The following DOCK11 variants were observed in gnomAD, a reference collection of about 807,000 sequenced individuals.
DOCK11 encodes the protein dedicator of cytokinesis protein 11.
In DOCK11, 70 loss-of-function variants were observed where a neutral mutation model predicts 169.1. The ratio of observed to expected loss-of-function variants is 0.41; its 90% CI spans 0.34 to 0.51. The LOEUF is 0.51. DOCK11 is among the 20% of genes least tolerant of loss of function. The pLI is 0.10. For missense variants in DOCK11, 1,166 were observed against 1,538.8 expected (o/e 0.76, Z 4.05); for synonymous variants, 529 against 541.3 (o/e 0.98, Z 0.32).
chrX:118,547,963 G>A (rs1371839946), intron 6 of DOCK11, among the ~76,000 whole-genome samples: 1 of 111,539 alleles, frequency 9.0e-6, no homozygotes, highest in East Asian at 2.8e-4. Flanking sequence ...CAGGAGGATC[G>A]CTTGAGCCCA....
intron 18 of DOCK11, among the ~76,000 whole-genome samples, chrX:118,589,401 C>T (rs1279760317): frequency 9.0e-6 from 1 of 111,382 alleles, no homozygotes; most frequent in African/African-American, 3.3e-5. Flanking sequence ...AAATTGCCTT[C>T]ATAACCATAT....
At chrX:118,562,323 G>C (rs999843228) in intron 7 of DOCK11, among the ~76,000 whole-genome samples, 1 of 111,031 alleles carries the variant, frequency 9.0e-6, no homozygotes, top group Non-Finnish European at 1.9e-5. Context: ...AAGTCTCTTT[G>C]AGTCTGGCTC....
At chrX:118,597,386 T>A (rs892591503) in intron 20 of DOCK11, 45 bp from the exon 21 acceptor site, 1 of 1,206,519 alleles carries the variant, frequency 8.3e-7, no homozygotes, top group Non-Finnish European at 1.1e-6. Flanking sequence ...TGTAGCTGAT[T>A]GCATTTGATA....
intron 35 of DOCK11, 68 bp from the exon 36 acceptor site, chrX:118,636,278 T>C: frequency 1.5e-6 from 1 of 647,694 alleles, no homozygotes; most frequent in Non-Finnish European, 2.3e-6. Context: ...TACATAGGAC[T>C]TGGGGATTCA....
intron 8 of DOCK11, 84 bp from the exon 9 acceptor site, chrX:118,566,490 T>G: frequency 1.2e-6 from 1 of 856,898 alleles, no homozygotes; most frequent in East Asian, 3.4e-5. Flanking sequence ...AGAGGATGGG[T>G]GGGAGAGATA....
At position 118,624,581 on chromosome X, in the gene DOCK11, G is replaced by A; in HGVS notation, c.3514G>A (p.Gly1172Arg). ...AGCACAATTGTACCTCCCCTTTGTT[G>A]GACTACTTTTGGAAAATATACAGCG... is the stretch of plus-strand genomic sequence containing the variant. Reference protein sequence around the residue: ...KIAQLYLPFVGLLLENIQRLA... With the variant: ...KIAQLYLPFVRLLLENIQRLA... Residue 1172 changes from glycine (G) to arginine (R), a missense_variant, in exon 32 of 53, where the codon GGA becomes AGA. Transcript: ENST00000276202. 5.0e-6 allele frequency: 6 copies of A among 1,209,028 alleles called. No individual in the cohort carries two copies. Among genetic ancestry groups the A allele is most frequent in the Non-Finnish European group, 6.7e-6 (6 of 894,022 alleles).
chrX:118,576,371 C>T (rs192177200), intron 12 of DOCK11, among the ~76,000 whole-genome samples: 1 of 111,718 alleles, frequency 9.0e-6, no homozygotes, highest in South Asian at 3.8e-4. Flanking sequence ...CTCCAGCCCA[C>T]GTGGGATTTC....
intron 45 of DOCK11, among the ~76,000 whole-genome samples, chrX:118,663,215 T>C (rs1173037211): frequency 8.9e-6 from 1 of 112,510 alleles, no homozygotes; most frequent in African/African-American, 3.2e-5. Context: ...TTATTGAACA[T>C]TGACTTAACA....
intron 42 of DOCK11, among the ~76,000 whole-genome samples, chrX:118,653,352 G>A (rs2015991067): frequency 9.0e-6 from 1 of 111,434 alleles, no homozygotes; most frequent in African/African-American, 3.3e-5. Context: ...GGAACTTTAT[G>A]TATATAATTA....
chrX:118,557,344 C>T (rs774510409), intron 6 of DOCK11, among the ~76,000 whole-genome samples: 2 of 111,255 alleles, frequency 1.8e-5, no homozygotes, highest in African/African-American at 3.3e-5. Context: ...AGAAAGTAAA[C>T]TGTGTGGATA....
Position 118,566,019 on chromosome X carries a change from C to G in DOCK11, c.708C>G (p.Arg236=). The G allele has an allele frequency of 8.3e-7, 1 of 1,210,913 alleles. No homozygotes were observed. The highest frequency in any genetic ancestry group is 1.1e-6 in the Non-Finnish European group (1 of 895,123). ...CTCCCCTCTAGTGCCCCAAAATGCG[C>G]CGTCATGCTTTTGAACTCAAGATGT... ...CIDVVQCPKM[R]RHAFELKMLD... Residue 236 remains arginine (R), a synonymous_variant, in exon 8 of 53, where the codon CGC becomes CGG. Coordinates refer to ENST00000276202, the MANE Select transcript of DOCK11 (RefSeq NM_144658.4).
chrX:118,533,722 T>C (rs1569409134), intron 1 of DOCK11, among the ~76,000 whole-genome samples: 1 of 112,635 alleles, frequency 8.9e-6, no homozygotes, highest in Non-Finnish European at 1.9e-5. Flanking sequence ...TTTACAGTTT[T>C]TTCTGCTTAA....
chrX:118,566,567 T>C lies in DOCK11; in HGVS notation c.872-7T>C. The C allele has an allele frequency of 8.3e-7, 1 of 1,207,188 alleles. No individual in the cohort carries two copies. The highest frequency in any genetic ancestry group is 1.1e-6 in the Non-Finnish European group (1 of 891,850). ...GTTTAGAACATCTGCTTTTAATGAA[T>C]TTGCAGATGATGAAACTAGCAGCCA... On this transcript the variant is annotated splice_polypyrimidine_tract_variant and splice_region_variant and intron_variant, in intron 8 of 52. Coordinates refer to ENST00000276202, the MANE Select transcript of DOCK11 (RefSeq NM_144658.4).
intron 19 of DOCK11, among the ~76,000 whole-genome samples, chrX:118,590,859 T>C (rs1489745895): frequency 9.0e-6 from 1 of 111,573 alleles, no homozygotes; most frequent in African/African-American, 3.3e-5. Flanking sequence ...TCCTCCTGAC[T>C]CAGCCTCTCA....
Position 118,497,916 on chromosome X carries a change from T to C in DOCK11, c.102+1843T>C, listed in dbSNP as rs368462592. ...GTTAACATTAGCATTCTTTCCCCTG[T>C]TTTTAGGTTTTCAAAAGAATTTTGT... On this transcript the variant is annotated intron_variant, in intron 1 of 52. Transcript: ENST00000276202. Among the ~76,000 whole-genome samples the C allele has an allele frequency of 1.6e-4, 18 of 112,324 alleles. No individual in the cohort carries two copies. In the East Asian group the frequency reaches 3.0e-3, roughly 19 times the overall value.
chrX:118,503,410 A>G (rs755119798), intron 1 of DOCK11, among the ~76,000 whole-genome samples: 1 of 111,984 alleles, frequency 8.9e-6, no homozygotes, highest in South Asian at 3.7e-4. Context: ...GGGAGAAGAC[A>G]TAAGAAACAT....
intron 35 of DOCK11, chrX:118,633,756 T>C (rs1360413975): frequency 8.9e-6 from 1 of 112,798 alleles, no homozygotes; most frequent in African/African-American, 3.2e-5. Flanking sequence ...TGCCTCTGCC[T>C]TCCTTGTGCA....
chrX:118,588,242 A>G lies in DOCK11; in HGVS notation c.1901A>G (p.Tyr634Cys), dbSNP rs781676240. 7 of 1,200,197 alleles carry G rather than the reference A, an allele frequency of 5.8e-6. No individual in the cohort carries two copies. ...GTTCCAGAAATGACAAAATATTGTT[A>G]TCCATTTACTATTTACAAAAACCAT... ...EFVPEMTKYCYPFTIYKNHLY... is the reference protein window; with the variant it reads ...EFVPEMTKYCCPFTIYKNHLY... Residue 634 changes from tyrosine to cysteine, a missense_variant, in exon 17 of 53, where the codon TAT (tyrosine) becomes TGT (cysteine). Coordinates refer to ENST00000276202, the MANE Select transcript of DOCK11 (RefSeq NM_144658.4).
chrX:118,672,637 GTGTTAGCCAAGA>G (rs1468872720), intron 46 of DOCK11, among the ~76,000 whole-genome samples: 2 of 112,243 alleles, frequency 1.8e-5, no homozygotes, highest in Non-Finnish European at 3.8e-5. Flanking sequence ...GGGTTTCACC[GTGTTAGCCAAGA>G]TGGTCTCGAT....
Sources: gnomAD v4.1 joint callset for allele counts (sites outside exome capture counted in the v4.1 genomes callset) on GRCh38, gnomAD v4.1.1 for gene constraint, MANE v1.5 for transcripts, NCBI Gene and HGNC (gene_info 2026-07-23, HGNC 2026-07-21) for gene names.